MAPK10: variants seen among roughly 807,000 people sequenced by gnomAD.
MAPK10 encodes mitogen-activated protein kinase 10, also known as JNK3 alpha protein kinase.
MAPK10 carries 25 observed loss-of-function variants against 59.3 expected under a neutral mutation model. The ratio of observed to expected loss-of-function variants is 0.42; its 90% CI spans 0.31 to 0.59. The LOEUF is 0.59. Ranked by LOEUF, MAPK10 falls within the 20% of genes least tolerant of loss-of-function variation. MAPK10 has a pLI of 0.15. For synonymous variants in MAPK10, 190 were observed against 200.5 expected (o/e 0.95, Z 0.44); for missense variants, 351 against 568.9 (o/e 0.62, Z 3.90).
chr4:86,343,512 G>A (rs1294099555), intron 2 of MAPK10, among the ~76,000 whole-genome samples: 2 of 152,054 alleles, frequency 1.3e-5, no homozygotes, highest in African/African-American at 4.8e-5. Context: ...TTACATAATA[G>A]TGCCATGCTA....
At chr4:86,392,581 A>C (rs1442285224) in intron 1 of MAPK10, 1 of 152,166 alleles carries the variant, frequency 6.6e-6, no homozygotes, top group Non-Finnish European at 1.5e-5. Context: ...ATCTTTTCTA[A>C]CCTGCCTGTT....
chr4:86,190,725 G>GT (rs1190490523), intron 3 of MAPK10, among the ~76,000 whole-genome samples: 2 of 152,014 alleles, frequency 1.3e-5, no homozygotes, highest in Admixed American at 1.3e-4. Flanking sequence ...TTTTTGAAGG[G>GT]TTTTTTGTGT....
At chr4:86,455,179 C>G (rs1169541568), upstream of MAPK10, among the ~76,000 whole-genome samples, 2 of 152,116 alleles carry the variant, frequency 1.3e-5, no homozygotes, top group African/African-American at 4.8e-5. Context: ...AATAGAACCT[C>G]TTTAATGCAT....
chr4:86,311,035 T>TACACACACACACACACAC lies in MAPK10; in HGVS notation c.-7+43477_-7+43494dup, dbSNP rs143712904. On this transcript the variant is annotated intron_variant, in intron 2 of 13. Coordinates refer to ENST00000641462, the MANE Select transcript of MAPK10 (RefSeq NM_138982.4). ...ACTATATGATTACACAGTTTTAAGT[T>TACACACACACACACACAC]ACACACACACACACACACACACACA... is the stretch of plus-strand genomic sequence containing the variant. Among the ~76,000 whole-genome samples, 953 of 141,890 alleles carry TACACACACACACACACAC rather than the reference T, an allele frequency of 6.7e-3. 8 individuals are homozygous for TACACACACACACACACAC. The highest frequency in any genetic ancestry group is 0.01 in the African/African-American group (396 of 38,606). 93.1% of individuals were successfully genotyped at this position (141,890 alleles called of 152,430 possible).
intron 2 of MAPK10, among the ~76,000 whole-genome samples, chr4:86,197,134 A>G: frequency 6.6e-6 from 1 of 152,178 alleles, no homozygotes; most frequent in East Asian, 1.9e-4. Flanking sequence ...GCATTGATCT[A>G]TAAATTACTT....
chr4:86,350,218 A>AT (rs879348322), intron 2 of MAPK10, among the ~76,000 whole-genome samples: 169 of 134,022 alleles, frequency 1.3e-3, no homozygotes, highest in African/African-American at 1.4e-3. Context: ...TGTCCAGATA[A>AT]TTTTTTTTTT....
chr4:86,426,293 G>T (rs570299531), intron 1 of MAPK10, among the ~76,000 whole-genome samples: 1 of 152,202 alleles, frequency 6.6e-6, no homozygotes, highest in South Asian at 2.1e-4. Context: ...TGCCACTATG[G>T]ATTGGATGCT....
At chr4:86,376,683 A>G (rs1739864756) in intron 1 of MAPK10, among the ~76,000 whole-genome samples, 2 of 152,238 alleles carry the variant, frequency 1.3e-5, no homozygotes, top group Non-Finnish European at 2.9e-5. Flanking sequence ...ATTCTATGAT[A>G]GTTGCCTAAG....
chr4:86,128,994 T>A (rs564055036), intron 4 of MAPK10, among the ~76,000 whole-genome samples: 38 of 152,254 alleles, frequency 2.5e-4, no homozygotes, highest in Non-Finnish European at 4.3e-4. Context: ...CCTTTCTGAT[T>A]CTAATTTTAC....
At chr4:86,105,113 A>G (rs2056297920) in intron 5 of MAPK10, among the ~76,000 whole-genome samples, 1 of 152,140 alleles carries the variant, frequency 6.6e-6, no homozygotes, top group African/African-American at 2.4e-5. Flanking sequence ...TTCAGTTGAT[A>G]AGAAATACAG....
chr4:86,497,468 G>C (rs1001250947), intron 1 of MAPK10, among the ~76,000 whole-genome samples: 3 of 152,172 alleles, frequency 2.0e-5, no homozygotes, highest in African/African-American at 7.2e-5. Flanking sequence ...TGGGAAGTAG[G>C]ACCAATGGAG....
At chr4:86,028,958 T>A in intron 13 of MAPK10, 1 of 539,082 alleles carries the variant, frequency 1.9e-6, no homozygotes, top group Non-Finnish European at 3.4e-6. Context: ...CAGGATTCAT[T>A]ACTATTAAAA....
chr4:86,281,852 A>C (rs2094822206), intron 2 of MAPK10, among the ~76,000 whole-genome samples: 3 of 148,978 alleles, frequency 2.0e-5, no homozygotes. Context: ...GGACTGATGC[A>C]AAAAAAAAAT....
chr4:86,111,264 T>G (rs1405893000), intron 4 of MAPK10, among the ~76,000 whole-genome samples: 1 of 152,176 alleles, frequency 6.6e-6, no homozygotes, highest in Non-Finnish European at 1.5e-5. Flanking sequence ...CATTACTATG[T>G]TTAATAGGCA....
intron 1 of MAPK10, among the ~76,000 whole-genome samples, chr4:86,513,793 A>C (rs1316620811): frequency 6.6e-6 from 1 of 152,196 alleles, no homozygotes; most frequent in East Asian, 1.9e-4. Context: ...TGATAGAATA[A>C]TACTGGCCAC....
At chr4:86,385,561 A>C (rs1294365109) in intron 1 of MAPK10, among the ~76,000 whole-genome samples, 1 of 152,202 alleles carries the variant, frequency 6.6e-6, no homozygotes, top group Non-Finnish European at 1.5e-5. Context: ...TATATCTTTA[A>C]TATGAACTGA....
intron 2 of MAPK10, among the ~76,000 whole-genome samples, chr4:86,210,525 A>T (rs2085473852): frequency 6.6e-6 from 1 of 152,094 alleles, no homozygotes; most frequent in South Asian, 2.1e-4. Flanking sequence ...TTTATTTGTA[A>T]CACAAAGGAT....
intron 3 of MAPK10, among the ~76,000 whole-genome samples, chr4:86,161,267 G>A (rs952295315): frequency 6.6e-6 from 1 of 152,084 alleles, no homozygotes; most frequent in Admixed American, 6.6e-5. Flanking sequence ...AAAGCAGTTT[G>A]TGGAGCATGA....
intron 4 of MAPK10, among the ~76,000 whole-genome samples, chr4:86,127,286 C>T (rs530656889): frequency 6.6e-6 from 1 of 150,592 alleles, no homozygotes; most frequent in South Asian, 2.1e-4. Context: ...CTCACTTTTG[C>T]ATTGAGAGCA....
Sources: gnomAD v4.1 joint callset for allele counts (sites outside exome capture counted in the v4.1 genomes callset) on GRCh38, gnomAD v4.1.1 for gene constraint, MANE v1.5 for transcripts, NCBI Gene and HGNC (gene_info 2026-07-23, HGNC 2026-07-21) for gene names.